The following SHANK1 variants were observed in gnomAD, a reference collection of about 807,000 sequenced individuals.
SHANK1 encodes the protein SH3 and multiple ankyrin repeat domains 1.
Under a neutral mutation model 165.6 loss-of-function variants are expected in SHANK1, and 35 were observed. The ratio of observed to expected loss-of-function variants is 0.21; its 90% confidence interval spans 0.16 to 0.28. The LOEUF (loss-of-function observed/expected upper bound fraction) is 0.28. Among genes scored for constraint, SHANK1 ranks in the 10% least tolerant of loss-of-function variants. SHANK1 has a pLI of 1.00. For synonymous variants in SHANK1, 1,428 were observed against 1,384.8 expected (o/e 1.03, Z -0.69); for missense variants, 2,681 against 3,036.4 (o/e 0.88, Z 2.75).
chr19:50,665,401 T>C (rs943951621), intron 23 of SHANK1, among the ~76,000 whole-genome samples: 2 of 151,392 alleles, frequency 1.3e-5, no homozygotes, highest in African/African-American at 4.9e-5. Context: ...CCCTCATCTC[T>C]ACTAAAAATA....
intron 8 of SHANK1, among the ~76,000 whole-genome samples, chr19:50,710,116 T>G (rs2088990603): frequency 6.6e-6 from 1 of 152,128 alleles, no homozygotes; most frequent in South Asian, 2.1e-4. Context: ...GGCCAGGGCT[T>G]CTTCCCCATC....
chr19:50,703,410 G>A (rs2088894236), intron 11 of SHANK1, 90 bp downstream of exon 11: 3 of 1,130,472 alleles, frequency 2.7e-6, no homozygotes, highest in Non-Finnish European at 1.2e-6. Context: ...TACAGAGGAA[G>A]GCAGCTGGGC....
At position 50,688,249 on chromosome 19, in the gene SHANK1, G is replaced by A. The variant is rs772369946; in HGVS notation, c.2173-191C>T. 2.6e-5 allele frequency among the ~76,000 whole-genome samples: 4 copies of A among 152,132 alleles called. No homozygotes were observed. Among genetic ancestry groups the A allele is most frequent in the Admixed American group, 1.3e-4 (2 of 15,290 alleles). On this transcript the variant is annotated intron_variant, in intron 17 of 23. Transcript: ENST00000293441. This position sits in a 1 kb window ranked among gnomAD's most constrained non-coding sequence, Gnocchi z 6.7. Reference sequence around the variant, plus strand: ...CCTTTCCCACCCTCCCTGGCCCCAGGGTTGGGGGAGAGGCTCAGCCTACCC... The same window carrying A: ...CCTTTCCCACCCTCCCTGGCCCCAGAGTTGGGGGAGAGGCTCAGCCTACCC...
Position 50,667,285 on chromosome 19 carries a change from C to G in SHANK1, c.4675G>C (p.Gly1559Arg), listed in dbSNP as rs750054875. The G allele has an allele frequency of 1.3e-6, 2 of 1,596,070 alleles. No individual in the cohort carries two copies. Among genetic ancestry groups the G allele is most frequent in the South Asian group, 2.2e-5 (2 of 90,380 alleles). ...PPAPSVDVED[G>R]EFLFVEPLPP... ...AGCGGTTCCACGAAAAGGAATTCGC[C>G]ATCTTCCACATCCACCGAGGGGGCG... The change falls in exon 23 of 24, where the codon GGC (glycine) becomes CGC (arginine). Residue 1559 changes from glycine (G) to arginine (R), a missense_variant. Around this residue, in one of 10 missense-constraint regions of SHANK1, gnomAD observed 1,713 missense variants for 1,630.2 expected, o/e 1.05. Coordinates refer to ENST00000293441, the MANE Select transcript of SHANK1 (RefSeq NM_016148.5). This position sits in a 1 kb window ranked among gnomAD's most constrained non-coding sequence, Gnocchi z 5.7.
intron 18 of SHANK1, 36 bp from the exon 19 acceptor site, chr19:50,687,698 G>C (rs759831244): frequency 4.8e-6 from 7 of 1,446,068 alleles, no homozygotes; most frequent in Non-Finnish European, 6.4e-6. Flanking sequence ...CAGTATCATG[G>C]GGGAGATGCC....
Position 50,667,292 on chromosome 19 carries a change from C to G in SHANK1, c.4668G>C (p.Val1556=). The part of the protein sequence containing the change: ...VLPPPAPSVD[V]EDGEFLFVEP... ...CCACGAAAAGGAATTCGCCATCTTC[C>G]ACATCCACCGAGGGGGCGGGAGGCG... Residue 1556 remains valine, a synonymous_variant, in exon 23 of 24, where the codon GTG becomes GTC. Transcript: ENST00000293441. This position sits in a 1 kb window ranked among gnomAD's most constrained non-coding sequence, Gnocchi z 5.7. 6.3e-7 allele frequency: 1 copy of G among 1,595,620 alleles called. No homozygotes were observed. The highest frequency in any genetic ancestry group is 8.5e-7 in the Non-Finnish European group (1 of 1,177,914).
intron 21 of SHANK1, among the ~76,000 whole-genome samples, chr19:50,678,491 G>A (rs1041870894): frequency 6.9e-4 from 105 of 151,652 alleles, no homozygotes; most frequent in African/African-American, 2.4e-3. Flanking sequence ...GCAGGGATCC[G>A]AGTGACAGTG....
At chr19:50,710,361 G>A (rs2088993398) in intron 8 of SHANK1, among the ~76,000 whole-genome samples, 1 of 152,182 alleles carries the variant, frequency 6.6e-6, no homozygotes, top group African/African-American at 2.4e-5. Flanking sequence ...GGGCTGTTTT[G>A]GAAGACTTCC....
chr19:50,712,945 T>C (rs932363456), intron 6 of SHANK1, among the ~76,000 whole-genome samples: 2 of 152,104 alleles, frequency 1.3e-5, no homozygotes, highest in Non-Finnish European at 2.9e-5. Context: ...GTCTGGAGGC[T>C]GGGAGGGGCG....
chr19:50,706,431 G>T (rs1442996676), intron 8 of SHANK1, among the ~76,000 whole-genome samples: 1 of 152,030 alleles, frequency 6.6e-6, no homozygotes, highest in Admixed American at 6.6e-5. Context: ...CAAAGTCCAT[G>T]CCACGGCCTA....
At chr19:50,664,860 T>C (rs913780732) in intron 23 of SHANK1, among the ~76,000 whole-genome samples, 1 of 152,226 alleles carries the variant, frequency 6.6e-6, no homozygotes, top group Non-Finnish European at 1.5e-5. Context: ...GTTCAAGTTA[T>C]TCTCCTGCCT....
chr19:50,697,680 A>G lies in SHANK1; in HGVS notation c.1862-16T>C, dbSNP rs1986785379. On this transcript the variant is annotated splice_polypyrimidine_tract_variant and intron_variant, in intron 13 of 23. Coordinates refer to ENST00000293441, the MANE Select transcript of SHANK1 (RefSeq NM_016148.5). The surrounding 1 kb of genome is among the most constrained non-coding windows in gnomAD (Gnocchi z 4.7). Reference sequence around the variant, plus strand: ...CTGCGGCTTTCTGCAGGGTGACAACAGACAACCTTGGACTCTTGTTTTGGA... The same window carrying G: ...CTGCGGCTTTCTGCAGGGTGACAACGGACAACCTTGGACTCTTGTTTTGGA... 1.2e-6 allele frequency: 2 copies of G among 1,612,928 alleles called. No individual in the cohort carries two copies. Among genetic ancestry groups the G allele is most frequent in the Non-Finnish European group, 1.7e-6 (2 of 1,179,182 alleles).
At chr19:50,694,544 AG>A (rs200429275) in intron 15 of SHANK1, among the ~76,000 whole-genome samples, 1,809 of 89,198 alleles carry the variant, frequency 0.02, 27 homozygotes, top group Admixed American at 0.039. Flanking sequence ...CAAATCCTGG[AG>A]GGGGGTCGGT....
chr19:50,662,460 C>A lies in SHANK1; in HGVS notation c.5991G>T (p.Arg1997=), dbSNP rs758546446. 1 of 1,548,960 alleles carries A rather than the reference C, an allele frequency of 6.5e-7. No individual in the cohort carries two copies. Among genetic ancestry groups the A allele is most frequent in the South Asian group, 1.2e-5 (1 of 81,434 alleles). ...CGGGCAGCAGCGAGGGGCTGGGGGC[C>A]CGGCGGAGCAGAGGGGGCCGCATCT... is the stretch of plus-strand genomic sequence containing the variant. ...EFEMRPPLLR[R]APSPSLLPAS... Residue 1997 remains arginine, a synonymous_variant, in exon 24 of 24, where the codon CGG becomes CGT. Coordinates refer to ENST00000293441, the MANE Select transcript of SHANK1 (RefSeq NM_016148.5). This position sits in a 1 kb window ranked among gnomAD's most constrained non-coding sequence, Gnocchi z 7.7.
chr19:50,689,484 C>G, intron 15 of SHANK1: 1 of 687,304 alleles, frequency 1.5e-6, no homozygotes, highest in East Asian at 2.8e-5. Context: ...CATGCTCTCT[C>G]TCTCACTCCC....
At chr19:50,665,934 C>G (rs1292234417) in intron 23 of SHANK1, among the ~76,000 whole-genome samples, 1 of 146,070 alleles carries the variant, frequency 6.8e-6, no homozygotes, top group Non-Finnish European at 1.5e-5. Context: ...TCGCTTGAAC[C>G]CGGGAGGCAG....
intron 21 of SHANK1, among the ~76,000 whole-genome samples, chr19:50,680,656 C>CT (rs1464849498): frequency 1.3e-3 from 138 of 103,570 alleles, no homozygotes; most frequent in South Asian, 2.4e-3. Flanking sequence ...ATAGTGGCAT[C>CT]TTTTTTTTTT....
Position 50,662,342 on chromosome 19 carries a change from C to G in SHANK1, c.6109G>C (p.Gly2037Arg). 1.2e-6 allele frequency: 2 copies of G among 1,601,972 alleles called. No individual in the cohort carries two copies. Among genetic ancestry groups the G allele is most frequent in the South Asian group, 2.2e-5 (2 of 89,830 alleles). The change falls in exon 24 of 24, where the codon GGC becomes CGC. Residue 2037 changes from glycine (G) to arginine (R), a missense_variant. By Grantham distance (125) the Gly-to-Arg change is moderately radical. Coordinates refer to ENST00000293441, the MANE Select transcript of SHANK1 (RefSeq NM_016148.5). This position sits in a 1 kb window ranked among gnomAD's most constrained non-coding sequence, Gnocchi z 7.7. The stretch of plus-strand genomic sequence containing the variant: ...CCTCCTGCCCCTCCAGTTGGGGAGC[C>G]ACGGATGTCAAAGAGGCCTGGGTAG... ...PLYPGLFDIR[G>R]SPTGGAGGSA...
At position 50,694,018 on chromosome 19, in the gene SHANK1, A is replaced by C. The variant is rs1453341404; in HGVS notation, c.1964+3078T>G. 1.5e-4 allele frequency among the ~76,000 whole-genome samples: 17 copies of C among 116,098 alleles called. No homozygotes were observed. In the East Asian group the frequency reaches 3.9e-3, roughly 27 times the overall value. 76.2% of individuals were successfully genotyped at this position (116,098 alleles called of 152,430 possible). On this transcript the variant is annotated intron_variant, in intron 15 of 23. Coordinates refer to ENST00000293441, the MANE Select transcript of SHANK1 (RefSeq NM_016148.5). Reference sequence around the variant, plus strand: ...CTGGGACAGACCCACTCCAGCACACACCACACACACACACACACACACACA... The same window carrying C: ...CTGGGACAGACCCACTCCAGCACACCCCACACACACACACACACACACACA...
Sources: allele counts gnomAD v4.1 joint callset (sites outside exome capture counted in the v4.1 genomes callset), GRCh38; gene constraint gnomAD v4.1.1; regional missense constraint gnomAD v4.1.1; non-coding constraint Gnocchi (gnomAD v3.1); transcripts MANE v1.5; gene names NCBI Gene and HGNC (gene_info 2026-07-23, HGNC 2026-07-21).